Variants in PPIP5K2 observed in about 807,000 individuals in gnomAD.
PPIP5K2 encodes diphosphoinositol pentakisphosphate kinase 2.
PPIP5K2 carries 105 observed loss-of-function variants against 154.6 expected under a neutral mutation model. That is an observed-to-expected ratio of 0.68 (90% CI 0.58 to 0.80). PPIP5K2 has a LOEUF of 0.80. Ranked by LOEUF, PPIP5K2 falls within the 30% of genes least tolerant of loss-of-function variation. The pLI is 0.00. For synonymous variants in PPIP5K2, 480 were observed against 490.3 expected (o/e 0.98, Z 0.28); for missense variants, 992 against 1,504.6 (o/e 0.66, Z 5.64).
At chr5:103,191,912 C>T (rs1433808151) in intron 29 of PPIP5K2, among the ~76,000 whole-genome samples, 1 of 152,010 alleles carries the variant, frequency 6.6e-6, no homozygotes, top group African/African-American at 2.4e-5. Flanking sequence ...TCCTCTTTTT[C>T]TGAGTGCTGT....
intron 30 of PPIP5K2, among the ~76,000 whole-genome samples, chr5:103,199,034 G>A (rs1802558952): frequency 6.6e-6 from 1 of 151,890 alleles, no homozygotes; most frequent in Non-Finnish European, 1.5e-5. Context: ...AAAGTAAAAT[G>A]TAGAAGCCTT....
Position 103,194,920 on chromosome 5 carries a change from A to C in PPIP5K2, c.3514A>C (p.Ser1172Arg), listed in dbSNP as rs782573430. 3.1e-6 allele frequency: 5 copies of C among 1,612,690 alleles called. No individual in the cohort carries two copies. The Admixed American group carries it at 5.0e-5, about 16-fold the overall frequency. Residue 1172 changes from serine (S) to arginine (R), a missense_variant, in exon 30 of 31, where the codon AGT becomes CGT. Around this residue, in one of 9 missense-constraint regions of PPIP5K2, gnomAD observed 131 missense variants for 117.8 expected, o/e 1.11. Transcript: ENST00000358359. Reference protein sequence around the residue: ...AEISSTALRSSPIMRKKVSLN... With the variant: ...AEISSTALRSRPIMRKKVSLN... ...TTCAGCCTCTACAGCTTTACGTTCC[A>C]GTCCAATAATGAGAAAAAAAGTATC... is the stretch of plus-strand genomic sequence containing the variant.
Position 103,143,899 on chromosome 5 carries a change from C to T in PPIP5K2, c.488-2628C>T, listed in dbSNP as rs1583273870. ...ACAAGACAAGGATGTCTACTTTCATCTCTTTTATTCAACATAATACTGGAA... is the reference window on the plus strand; with the variant it reads ...ACAAGACAAGGATGTCTACTTTCATTTCTTTTATTCAACATAATACTGGAA... On this transcript the variant is annotated intron_variant, in intron 5 of 30. Transcript: ENST00000358359. Among the ~76,000 whole-genome samples, 3 of 151,998 alleles carry T rather than the reference C, an allele frequency of 2.0e-5. No individual in the cohort carries two copies. The East Asian group carries it at 5.8e-4, about 29-fold the overall frequency.
Position 103,142,448 on chromosome 5 carries a change from T to G in PPIP5K2, c.487+3979T>G, listed in dbSNP as rs532571401. 2.3e-4 allele frequency among the ~76,000 whole-genome samples: 35 copies of G among 151,472 alleles called. 1 individual carries two copies. The East Asian group carries it at 6.3e-3, about 27-fold the overall frequency. On this transcript the variant is annotated intron_variant, in intron 5 of 30. Coordinates refer to ENST00000358359, the MANE Select transcript of PPIP5K2 (RefSeq NM_001276277.3). ...CACATCTCCCTGCAACCTGAGGGAGTGGGCTCCAGCCTTGGCCAGCCCAGA... is the reference window on the plus strand; with the variant it reads ...CACATCTCCCTGCAACCTGAGGGAGGGGGCTCCAGCCTTGGCCAGCCCAGA...
intron 21 of PPIP5K2, among the ~76,000 whole-genome samples, chr5:103,174,743 G>T (rs76054795): frequency 0.029 from 4,348 of 152,144 alleles, 101 homozygotes; most frequent in Non-Finnish European, 0.042. Flanking sequence ...AATCACAGAG[G>T]TTCATCCAGG....
At position 103,173,887 on chromosome 5, in the gene PPIP5K2, G is replaced by A. The variant is rs1554220169; in HGVS notation, c.2444G>A (p.Arg815His). 6.8e-6 allele frequency: 11 copies of A among 1,606,556 alleles called. No homozygotes were observed. Among genetic ancestry groups the A allele is most frequent in the Non-Finnish European group, 7.7e-6 (9 of 1,174,218 alleles). ...VYSRGVLSPE[R>H]HVRTRLYFTS... ...TCTAGAGGTGTTCTGTCTCCTGAAC[G>A]TCATGTTCGTACTAGATTATATTTT... is the stretch of plus-strand genomic sequence containing the variant. Residue 815 changes from arginine (R) to histidine (H), a missense_variant, in exon 21 of 31, where the codon CGT becomes CAT. Coordinates refer to ENST00000358359, the MANE Select transcript of PPIP5K2 (RefSeq NM_001276277.3).
At chr5:103,134,178 T>C (rs1311980383) in intron 3 of PPIP5K2, among the ~76,000 whole-genome samples, 1 of 152,150 alleles carries the variant, frequency 6.6e-6, no homozygotes, top group Non-Finnish European at 1.5e-5. Flanking sequence ...ATATTCATAC[T>C]TTATTTTTAA....
intron 14 of PPIP5K2, among the ~76,000 whole-genome samples, chr5:103,157,514 C>T (rs1392909829): frequency 1.3e-5 from 2 of 152,038 alleles, no homozygotes; most frequent in African/African-American, 2.4e-5. Context: ...CGCAGTGGCT[C>T]ACGCCTTAAT....
Position 103,151,145 on chromosome 5 carries a change from A to G in PPIP5K2, c.907-108A>G, listed in dbSNP as rs189883999. Reference sequence around the variant, plus strand: ...TTATGAAGTAAACCACTATATAGTAATATACTTTTAAGCATTTATAAAATT... The same window carrying G: ...TTATGAAGTAAACCACTATATAGTAGTATACTTTTAAGCATTTATAAAATT... On this transcript the variant is annotated intron_variant, in intron 8 of 30. Transcript: ENST00000358359. 8.4e-3 allele frequency: 7,320 copies of G among 867,692 alleles called. 70 individuals carry two copies. The highest frequency in any genetic ancestry group is 0.027 in the South Asian group (1,161 of 42,676). The allele number at this position is 867,692 out of a possible 1,614,324, so 53.7% of individuals were successfully genotyped here.
rs1554218494 is a variant in PPIP5K2, at chr5:103,168,106, T to G, written c.2097T>G (p.Leu699=). 6.2e-7 allele frequency: 1 copy of G among 1,609,238 alleles called. No individual in the cohort carries two copies. Among genetic ancestry groups the G allele is most frequent in the Admixed American group, 1.7e-5 (1 of 59,634 alleles). The change falls in exon 19 of 31, where the codon CTT becomes CTG. Residue 699 remains leucine (L), a synonymous_variant. Transcript: ENST00000358359. The stretch of plus-strand genomic sequence containing the variant: ...TTTACCATAGTGAAACATTGGAGCT[T>G]ATGCTACGTAGATGGTCCAAGTTAG... ...IQLYHSETLE[L]MLRRWSKLEK...
At chr5:103,126,847 C>CT (rs1554200896) in intron 1 of PPIP5K2, among the ~76,000 whole-genome samples, 1 of 151,504 alleles carries the variant, frequency 6.6e-6, no homozygotes, top group Non-Finnish European at 1.5e-5. Context: ...TCCCGGAACA[C>CT]TGACTCAAAT....
intron 5 of PPIP5K2, among the ~76,000 whole-genome samples, 163 bp downstream of exon 5, chr5:103,138,632 C>A (rs1456707418): frequency 6.6e-6 from 1 of 152,178 alleles, no homozygotes; most frequent in Admixed American, 6.5e-5. Flanking sequence ...AAAGGTGACA[C>A]TGAGTTAAAA....
chr5:103,195,490 A>G lies in PPIP5K2; in HGVS notation c.3619+465A>G, dbSNP rs537231942. 1.2e-4 allele frequency among the ~76,000 whole-genome samples: 19 copies of G among 152,252 alleles called. No individual in the cohort carries two copies. In the South Asian group the frequency reaches 3.7e-3, roughly 30 times the overall value. Reference sequence around the variant, plus strand: ...AAAGAAAAAAAATTTCTCTTTCCTGATAATATTTTCATCTCTCCATTCTCA... The same window carrying G: ...AAAGAAAAAAAATTTCTCTTTCCTGGTAATATTTTCATCTCTCCATTCTCA... On this transcript the variant is annotated intron_variant, in intron 30 of 30. Transcript: ENST00000358359.
Position 103,144,489 on chromosome 5 carries a change from A to G in PPIP5K2, c.488-2038A>G, listed in dbSNP as rs146703835. The stretch of plus-strand genomic sequence containing the variant: ...GCCATAGCCAGCCTGAGCAAAAACA[A>G]CAAAACTGGAGGAATCACATTATTT... On this transcript the variant is annotated intron_variant, in intron 5 of 30. Transcript: ENST00000358359. Among the ~76,000 whole-genome samples the G allele has an allele frequency of 6.8e-3, 1,028 of 152,282 alleles. 7 individuals carry two copies. The highest frequency in any genetic ancestry group is 0.013 in the Non-Finnish European group (854 of 68,006).
intron 17 of PPIP5K2, among the ~76,000 whole-genome samples, chr5:103,161,486 G>C (rs1274446079): frequency 6.6e-6 from 1 of 152,028 alleles, no homozygotes; most frequent in Non-Finnish European, 1.5e-5. Context: ...GTAATGGGAT[G>C]GCTGGGTCAA....
In PPIP5K2 at chr5:103,133,555, A is replaced by G. The variant is rs1554203310; in HGVS notation, c.217A>G (p.Ile73Val). ...TGAACGGATCTCCTTATTTAAATAT[A>G]TCACAGTAGTAGTATTTGAAGAGGA... is the stretch of plus-strand genomic sequence containing the variant. ...ILERISLFKY[I>V]TVVVFEEEVI... The change falls in exon 3 of 31, where the codon ATC (isoleucine) becomes GTC (valine). Residue 73 changes from isoleucine (I) to valine (V), a missense_variant. By Grantham distance (29) the Ile-to-Val change is conservative (BLOSUM62 3). Coordinates refer to ENST00000358359, the MANE Select transcript of PPIP5K2 (RefSeq NM_001276277.3). The G allele has an allele frequency of 5.6e-6, 9 of 1,612,884 alleles. No individual in the cohort carries two copies. The East Asian group carries it at 2.0e-4, about 36-fold the overall frequency.
chr5:103,121,752 C>T (rs1788783558), intron 1 of PPIP5K2, among the ~76,000 whole-genome samples: 1 of 152,170 alleles, frequency 6.6e-6, no homozygotes, highest in Non-Finnish European at 1.5e-5. Flanking sequence ...ATTTTAAAAT[C>T]AAAGGTTGCT....
At chr5:103,133,680 A>T (rs782653557) in intron 3 of PPIP5K2, 32 bp downstream of exon 3, 44 of 1,488,242 alleles carry the variant, frequency 3.0e-5, no homozygotes, top group Admixed American at 2.4e-4. Context: ...AAACTCCTTT[A>T]TCCTCTCTGT....
intron 9 of PPIP5K2, 30 bp from the exon 10 acceptor site, chr5:103,152,618 A>G (rs1794796478): frequency 1.4e-6 from 2 of 1,429,848 alleles, no homozygotes; most frequent in Non-Finnish European, 2.0e-6. Flanking sequence ...AAACGTACTA[A>G]TTTTAAATCT....
Sources: gnomAD v4.1 joint callset for allele counts (sites outside exome capture counted in the v4.1 genomes callset) on GRCh38, gnomAD v4.1.1 for gene constraint, gnomAD v4.1.1 regional missense constraint, MANE v1.5 for transcripts, NCBI Gene and HGNC (gene_info 2026-07-23, HGNC 2026-07-21) for gene names.